GRM7: variants seen among roughly 807,000 people sequenced by gnomAD.
The protein encoded by GRM7 is metabotropic glutamate receptor 7.
In GRM7, 35 loss-of-function variants were observed where a neutral mutation model predicts 84.5. The ratio of observed to expected loss-of-function variants is 0.41; its 90% CI spans 0.32 to 0.55. The LOEUF (loss-of-function observed/expected upper bound fraction) is 0.55. Ranked by LOEUF, GRM7 falls within the 20% of genes least tolerant of loss-of-function variation. The pLI is 0.19. For synonymous variants in GRM7, 487 were observed against 455.1 expected (o/e 1.07, Z -0.89); for missense variants, 1,003 against 1,194.6 (o/e 0.84, Z 2.36).
At chr3:6,920,111 A>T (rs993868195) in intron 1 of GRM7, among the ~76,000 whole-genome samples, 5 of 152,230 alleles carry the variant, frequency 3.3e-5, no homozygotes, top group Non-Finnish European at 7.3e-5. Context: ...GCTGTAAAGT[A>T]TGATTTAAAT....
intron 4 of GRM7, among the ~76,000 whole-genome samples, chr3:7,341,975 A>G (rs559216644): frequency 2.6e-5 from 4 of 152,230 alleles, no homozygotes; most frequent in Non-Finnish European, 4.4e-5. Context: ...AGATCATATT[A>G]TAGGATAATT....
chr3:7,664,319 C>A (rs1314773140), intron 8 of GRM7, among the ~76,000 whole-genome samples: 7 of 152,176 alleles, frequency 4.6e-5, no homozygotes, highest in African/African-American at 1.7e-4. Flanking sequence ...TTTGTCCTCT[C>A]CATAATCCCC....
chr3:7,376,104 A>T (rs140416405), intron 4 of GRM7, among the ~76,000 whole-genome samples: 1 of 152,182 alleles, frequency 6.6e-6, no homozygotes, highest in Non-Finnish European at 1.5e-5. Context: ...CCCGAGATAT[A>T]AAGTGGCGAT....
At chr3:7,013,181 T>C (rs965139562) in intron 1 of GRM7, among the ~76,000 whole-genome samples, 5 of 151,296 alleles carry the variant, frequency 3.3e-5, no homozygotes, top group Middle Eastern at 3.2e-3. Context: ...CTTAAATAAA[T>C]GTCCTTATAA....
intron 4 of GRM7, among the ~76,000 whole-genome samples, chr3:7,402,632 C>T (rs553366363): frequency 6.6e-6 from 1 of 152,108 alleles, no homozygotes; most frequent in African/African-American, 2.4e-5. Context: ...CTGAAAATAC[C>T]TGCATATAAA....
chr3:7,149,339 C>T (rs925137837), intron 2 of GRM7, among the ~76,000 whole-genome samples: 1 of 152,096 alleles, frequency 6.6e-6, no homozygotes, highest in South Asian at 2.1e-4. Flanking sequence ...AAAGGTGATT[C>T]TGGTATTTAA....
chr3:6,936,583 T>C (rs925219742), intron 1 of GRM7, among the ~76,000 whole-genome samples: 4 of 152,334 alleles, frequency 2.6e-5, no homozygotes, highest in Admixed American at 2.6e-4. Flanking sequence ...TTAAAAATTC[T>C]TTTTTATTAA....
At chr3:7,010,560 A>G (rs1028907521) in intron 1 of GRM7, among the ~76,000 whole-genome samples, 3 of 152,244 alleles carry the variant, frequency 2.0e-5, no homozygotes, top group Non-Finnish European at 4.4e-5. Flanking sequence ...ACAGTGAAAG[A>G]TAAACAACCG....
chr3:7,387,429 C>G (rs1384894036), intron 4 of GRM7, among the ~76,000 whole-genome samples: 1 of 152,162 alleles, frequency 6.6e-6, no homozygotes, highest in Non-Finnish European at 1.5e-5. Context: ...TTAAGTCTTA[C>G]TTTTAAGTCT....
At chr3:6,884,046 A>G (rs1302105261) in intron 1 of GRM7, among the ~76,000 whole-genome samples, 1 of 152,246 alleles carries the variant, frequency 6.6e-6, no homozygotes, top group Non-Finnish European at 1.5e-5. Context: ...GATGACATTT[A>G]GTCCTCTAAA....
At chr3:7,339,081 T>C (rs887734576) in intron 4 of GRM7, among the ~76,000 whole-genome samples, 2 of 152,132 alleles carry the variant, frequency 1.3e-5, no homozygotes, top group South Asian at 4.1e-4. Flanking sequence ...AGTTTGATAA[T>C]TCAAATTGGA....
intron 7 of GRM7, 144 bp downstream of exon 7, chr3:7,461,866 T>C (rs1039702574): frequency 1.6e-5 from 11 of 694,558 alleles, no homozygotes; most frequent in Admixed American, 4.9e-5. Flanking sequence ...CAGCAGGAAC[T>C]GATATCCAAT....
chr3:7,020,437 A>G (rs1695735227), intron 1 of GRM7, among the ~76,000 whole-genome samples: 1 of 152,210 alleles, frequency 6.6e-6, no homozygotes, highest in South Asian at 2.1e-4. Flanking sequence ...AATCAAATGC[A>G]AAATGGCAGA....
At chr3:7,090,461 G>A (rs752429151) in intron 1 of GRM7, among the ~76,000 whole-genome samples, 26 of 152,182 alleles carry the variant, frequency 1.7e-4, no homozygotes, top group Non-Finnish European at 3.7e-4. Flanking sequence ...TCTTTCAAAT[G>A]CAAGAATATT....
At chr3:7,721,002 G>C (rs989813607) in intron 9 of GRM7, among the ~76,000 whole-genome samples, 3 of 152,146 alleles carry the variant, frequency 2.0e-5, no homozygotes, top group Non-Finnish European at 4.4e-5. Flanking sequence ...TTGCTGGAAG[G>C]ATTAAAAGGG....
chr3:7,678,960 T>G (rs1700248991), intron 8 of GRM7, among the ~76,000 whole-genome samples: 1 of 151,992 alleles, frequency 6.6e-6, no homozygotes, highest in South Asian at 2.1e-4. Flanking sequence ...CAGACAATAA[T>G]AATGTCCCAG....
At chr3:7,654,860 G>T (rs930532747) in intron 8 of GRM7, among the ~76,000 whole-genome samples, 1 of 152,108 alleles carries the variant, frequency 6.6e-6, no homozygotes, top group Non-Finnish European at 1.5e-5. Context: ...TAATTGCTTG[G>T]GGTGGCCCAC....
In GRM7 at chr3:7,486,129, A is replaced by T. The variant is rs1054852175; in HGVS notation, c.1515+24407A>T. On this transcript the variant is annotated intron_variant, in intron 7 of 9. Transcript: ENST00000357716. The surrounding 1 kb of genome is among the most constrained non-coding windows in gnomAD (Gnocchi z 5.5). The stretch of plus-strand genomic sequence containing the variant: ...TATGGATTTTAAATACTGCTTCTTG[A>T]ACTGACTCTGATCTTAGAATATATT... 5.3e-5 allele frequency among the ~76,000 whole-genome samples: 8 copies of T among 152,276 alleles called. No individual in the cohort carries two copies. The highest frequency in any genetic ancestry group is 1.0e-4 in the Non-Finnish European group (7 of 68,032).
chr3:7,052,100 A>C (rs1186757822), intron 1 of GRM7, among the ~76,000 whole-genome samples: 1 of 151,712 alleles, frequency 6.6e-6, no homozygotes, highest in African/African-American at 2.4e-5. Flanking sequence ...ACTTTGTTCC[A>C]GGAGTTTAAT....
Sources: gnomAD v4.1 joint callset for allele counts (sites outside exome capture counted in the v4.1 genomes callset) on GRCh38, gnomAD v4.1.1 for gene constraint, Gnocchi (gnomAD v3.1) non-coding constraint, MANE v1.5 for transcripts, NCBI Gene and HGNC (gene_info 2026-07-23, HGNC 2026-07-21) for gene names.